SLC33A1: variants seen among roughly 807,000 people sequenced by gnomAD.
SLC33A1 encodes solute carrier family 33 member 1.
Under a neutral mutation model 50.0 loss-of-function variants are expected in SLC33A1, and 20 were observed. That is an observed-to-expected ratio of 0.40 (90% CI 0.28 to 0.58). The LOEUF (loss-of-function observed/expected upper bound fraction) is 0.58. Ranked by LOEUF, SLC33A1 falls within the 20% of genes least tolerant of loss-of-function variation. SLC33A1 has a pLI of 0.44. For synonymous variants in SLC33A1, 265 were observed against 251.8 expected, an observed-to-expected ratio of 1.05 and a Z score of -0.50; for missense variants, 476 against 657.0, an observed-to-expected ratio of 0.72 and a Z score of 3.01.
At chr3:155,847,243 A>G (rs945098865) in intron 1 of SLC33A1, among the ~76,000 whole-genome samples, 10 of 152,120 alleles carry the variant, frequency 6.6e-5, no homozygotes, top group Admixed American at 5.9e-4. Context: ...TGTTTTTCTG[A>G]GAATGTAGGG....
intron 2 of SLC33A1, among the ~76,000 whole-genome samples, chr3:155,841,939 G>C (rs962257120): frequency 2.6e-5 from 4 of 151,852 alleles, no homozygotes; most frequent in African/African-American, 9.7e-5. Context: ...GTAGAGACAA[G>C]GTTTCACCAT....
At position 155,853,774 on chromosome 3, in the gene SLC33A1, ATGC is replaced by A; in HGVS notation, c.221_223del (p.Ser74del). On this transcript the variant is annotated inframe_deletion, in exon 1 of 6. Coordinates refer to ENST00000643144, the MANE Select transcript of SLC33A1 (RefSeq NM_004733.4). ...CACGTAAAGAAAGAGTAGTAGCAAAATGCTGCTTAGTTCGGCCCGGAAGCTCTG... is the reference window on the plus strand; with the variant it reads ...CACGTAAAGAAAGAGTAGTAGCAAAATGCTTAGTTCGGCCCGGAAGCTCTG... 1 of 1,613,844 alleles carries A rather than the reference ATGC, an allele frequency of 6.2e-7. No homozygotes were observed. Among genetic ancestry groups the A allele is most frequent in the Non-Finnish European group, 8.5e-7 (1 of 1,179,974 alleles).
intron 2 of SLC33A1, among the ~76,000 whole-genome samples, chr3:155,834,680 A>G (rs570530188): frequency 2.0e-5 from 3 of 152,356 alleles, no homozygotes; most frequent in African/African-American, 4.8e-5. Flanking sequence ...AAAAGAAAAA[A>G]TAGTACTTTT....
At chr3:155,839,174 T>C (rs1752824363) in intron 2 of SLC33A1, among the ~76,000 whole-genome samples, 2 of 150,860 alleles carry the variant, frequency 1.3e-5, no homozygotes, top group African/African-American at 4.9e-5. Context: ...TGGTGGTGCA[T>C]GCCTGTAGTC....
chr3:155,834,208 A>G (rs564889753), intron 2 of SLC33A1, among the ~76,000 whole-genome samples, 167 bp from the exon 3 acceptor site: 2 of 152,326 alleles, frequency 1.3e-5, no homozygotes, highest in South Asian at 4.1e-4. Context: ...TACGAGGTAC[A>G]TTTTGCCTTA....
At chr3:155,845,159 T>G (rs1470473281) in intron 1 of SLC33A1, 2 of 152,184 alleles carry the variant, frequency 1.3e-5, no homozygotes, top group African/African-American at 2.4e-5. Flanking sequence ...TATATAAGAC[T>G]TAAGTAGTTC....
chr3:155,822,073 C>G lies in SLC33A1; in HGVS notation c.*6137G>C, dbSNP rs968924995. 6.6e-6 allele frequency: 1 copy of G among 152,006 alleles called. No individual in the cohort carries two copies. Among genetic ancestry groups the G allele is most frequent in the African/African-American group, 2.4e-5 (1 of 41,402 alleles). The allele number at this position is 152,006 out of a possible 1,614,324, so 9.4% of individuals were successfully genotyped here. On this transcript the variant is annotated 3_prime_UTR_variant, in exon 6 of 6. Coordinates refer to ENST00000643144, the MANE Select transcript of SLC33A1 (RefSeq NM_004733.4). The stretch of plus-strand genomic sequence containing the variant: ...CAGGTGTAAGCCAACACACCTGGTT[C>G]AAATATGCCACTTTCTTAAATATCA...
chr3:155,844,447 ATATATATATAT>A (rs1444934591), intron 1 of SLC33A1, among the ~76,000 whole-genome samples: 3 of 29,172 alleles, frequency 1.0e-4, no homozygotes, highest in African/African-American at 1.6e-4. Context: ...ATATATATAT[ATATATATATAT>A]TTTTTTTTTT....
rs1752328221 is a variant in SLC33A1, at chr3:155,829,583, GGACA to G, written c.1482+101_1482+104del. On this transcript the variant is annotated intron_variant, in intron 5 of 5. Transcript: ENST00000643144. ...TGTAGATTTCTAAACCAGAACCTAT[GGACA>G]GATATGATTTTTAAAAAAGATATAG... is the stretch of plus-strand genomic sequence containing the variant. The G allele has an allele frequency of 6.1e-6, 5 of 819,888 alleles. No homozygotes were observed. In the South Asian group the frequency reaches 7.4e-5, roughly 12 times the overall value. The allele number at this position is 819,888 out of a possible 1,614,324, so 50.8% of individuals were successfully genotyped here. A position where few individuals can be genotyped will look rare whatever the true frequency, so the allele number is the denominator to read the frequency against.
intron 4 of SLC33A1, among the ~76,000 whole-genome samples, chr3:155,832,930 T>C (rs1194830755): frequency 6.7e-6 from 1 of 149,098 alleles, no homozygotes; most frequent in Non-Finnish European, 1.5e-5. Flanking sequence ...TGTTGAATAA[T>C]TTTTTTTTTA....
chr3:155,829,013 T>C (rs1418087226), intron 5 of SLC33A1, among the ~76,000 whole-genome samples: 1 of 151,700 alleles, frequency 6.6e-6, no homozygotes, highest in Non-Finnish European at 1.5e-5. Flanking sequence ...GCAATTCTCC[T>C]GTCTCAGCCT....
At position 155,825,620 on chromosome 3, in the gene SLC33A1, C is replaced by G. The variant is rs964751280; in HGVS notation, c.*2590G>C. 1.3e-5 allele frequency: 2 copies of G among 152,174 alleles called. No individual in the cohort carries two copies. The highest frequency in any genetic ancestry group is 4.8e-5 in the African/African-American group (2 of 41,446). 9.4% of individuals were successfully genotyped at this position (152,174 alleles called of 1,614,324 possible). On this transcript the variant is annotated 3_prime_UTR_variant, in exon 6 of 6. Coordinates refer to ENST00000643144, the MANE Select transcript of SLC33A1 (RefSeq NM_004733.4). Reference sequence around the variant, plus strand: ...ATCTGTGGTGTTACTTTTAGGTAATCTCAGAAGAACTTTTCAAACTCAGAT... The same window carrying G: ...ATCTGTGGTGTTACTTTTAGGTAATGTCAGAAGAACTTTTCAAACTCAGAT...
intron 1 of SLC33A1, among the ~76,000 whole-genome samples, chr3:155,846,144 T>C (rs1369763179): frequency 2.8e-4 from 42 of 152,310 alleles, no homozygotes; most frequent in Non-Finnish European, 1.5e-5. Context: ...CACCTGAGTG[T>C]CTATTATAAG....
In SLC33A1 at chr3:155,853,428, G is replaced by A; in HGVS notation, c.570C>T (p.Ala190=). The change falls in exon 1 of 6, where the codon GCC becomes GCT. Residue 190 remains alanine (A), a synonymous_variant. Coordinates refer to ENST00000643144, the MANE Select transcript of SLC33A1 (RefSeq NM_004733.4). ...CATCGACGGCAATGTCCTGAGTGGCGGCCAAGAATTCAAACAAAAAGAACG... is the reference window on the plus strand; with the variant it reads ...CATCGACGGCAATGTCCTGAGTGGCAGCCAAGAATTCAAACAAAAAGAACG... ...TVAFFLFEFL[A]ATQDIAVDGW... 1 of 1,614,024 alleles carries A rather than the reference G, an allele frequency of 6.2e-7. No homozygotes were observed. The highest frequency in any genetic ancestry group is 8.5e-7 in the Non-Finnish European group (1 of 1,180,016).
chr3:155,829,404 T>C (rs1320192152), intron 5 of SLC33A1, among the ~76,000 whole-genome samples: 21 of 152,212 alleles, frequency 1.4e-4, no homozygotes, highest in Admixed American at 1.4e-3. Context: ...CTATTAATTA[T>C]GCATTTATAT....
Position 155,853,460 on chromosome 3 carries a change from T to G in SLC33A1, c.538A>C (p.Thr180Pro). Residue 180 changes from threonine (T) to proline (P), a missense_variant, in exon 1 of 6, where the codon ACT becomes CCT. Transcript: ENST00000643144. ...AATTCAAACAAAAAGAACGCCACAGTGAGAGCAATCACGTCGGGTGTTCTG... is the reference window on the plus strand; with the variant it reads ...AATTCAAACAAAAAGAACGCCACAGGGAGAGCAATCACGTCGGGTGTTCTG... ...DDRTPDVIALTVAFFLFEFLA... is the reference protein window; with the variant it reads ...DDRTPDVIALPVAFFLFEFLA... 6.2e-7 allele frequency: 1 copy of G among 1,614,084 alleles called. No individual in the cohort carries two copies.
chr3:155,853,862 C>T lies in SLC33A1; in HGVS notation c.136G>A (p.Glu46Lys), dbSNP rs149571533. Residue 46 changes from glutamate (E) to lysine (K), a missense_variant, in exon 1 of 6, where the codon GAA becomes AAA. By Grantham distance (56) the Glu-to-Lys change is moderately conservative. Coordinates refer to ENST00000643144, the MANE Select transcript of SLC33A1 (RefSeq NM_004733.4). ...CCCAGAAGAGCTTCTCTGTCCCCTT[C>T]CCGGCCCGCTGAGTCCAAATGACTG... ...DDSHLDSAGR[E>K]GDREALLGDT... The T allele has an allele frequency of 1.7e-3, 2,727 of 1,583,964 alleles. 6 individuals are homozygous for T. The highest frequency in any genetic ancestry group is 1.4e-3 in the Non-Finnish European group (1,635 of 1,164,688).
At chr3:155,846,784 C>T (rs1452604044) in intron 1 of SLC33A1, among the ~76,000 whole-genome samples, 1 of 151,890 alleles carries the variant, frequency 6.6e-6, no homozygotes, top group Non-Finnish European at 1.5e-5. Context: ...TACTTGTATT[C>T]CCCCTTCTCA....
At chr3:155,832,360 A>G (rs1244854154) in intron 4 of SLC33A1, among the ~76,000 whole-genome samples, 1 of 152,050 alleles carries the variant, frequency 6.6e-6, no homozygotes, top group East Asian at 1.9e-4. Flanking sequence ...CCTGGGCAAC[A>G]AGAACAAAAC....
Sources: gnomAD v4.1 joint callset for allele counts (sites outside exome capture counted in the v4.1 genomes callset) on GRCh38, gnomAD v4.1.1 for gene constraint, MANE v1.5 for transcripts, NCBI Gene and HGNC (gene_info 2026-07-23, HGNC 2026-07-21) for gene names.